Variants in XKR4 observed in about 807,000 individuals in gnomAD.
The protein encoded by XKR4 is XK related 4.
In XKR4, 12 loss-of-function variants were observed where a neutral mutation model predicts 53.9. The ratio of observed to expected loss-of-function variants is 0.22; its 90% CI spans 0.14 to 0.36. The LOEUF (loss-of-function observed/expected upper bound fraction) is 0.36, where lower values mean the gene tolerates loss of function less well. Among genes scored for constraint, XKR4 ranks in the 10% least tolerant of loss-of-function variants. The probability of loss-of-function intolerance (pLI) is 1.00; values close to 1 mark genes in which losing one functional copy is unlikely to be tolerated. For missense variants in XKR4, 799 were observed against 859.5 expected (o/e 0.93, Z 0.88); for synonymous variants, 354 against 362.4 (o/e 0.98, Z 0.26).
chr8:55,389,956 A>G (rs1804420157), intron 2 of XKR4, among the ~76,000 whole-genome samples: 1 of 152,080 alleles, frequency 6.6e-6, no homozygotes, highest in African/African-American at 2.4e-5. Flanking sequence ...CCCAGGGCTG[A>G]TTCTAGGTTC....
chr8:55,207,604 G>A (rs984937145), intron 1 of XKR4, among the ~76,000 whole-genome samples: 2 of 151,886 alleles, frequency 1.3e-5, no homozygotes, highest in Non-Finnish European at 2.9e-5. Context: ...AAATGTGAAT[G>A]TCACACCTTA....
intron 1 of XKR4, among the ~76,000 whole-genome samples, chr8:55,113,627 A>G (rs1415952109): frequency 6.6e-6 from 1 of 152,178 alleles, no homozygotes; most frequent in Non-Finnish European, 1.5e-5. Context: ...TTTTACATGG[A>G]TACATTGTAT....
intron 1 of XKR4, among the ~76,000 whole-genome samples, chr8:55,340,754 G>C (rs1349039012): frequency 6.6e-6 from 1 of 152,236 alleles, no homozygotes; most frequent in Non-Finnish European, 1.5e-5. Context: ...AGGAAGAGCA[G>C]TTAGGGAAAG....
chr8:55,138,697 A>T (rs1391721170), intron 1 of XKR4, among the ~76,000 whole-genome samples: 5 of 152,228 alleles, frequency 3.3e-5, no homozygotes, highest in African/African-American at 1.2e-4. Flanking sequence ...AATATTGTTG[A>T]GGGTCTACCA....
chr8:55,272,498 T>C (rs530079424), intron 1 of XKR4, among the ~76,000 whole-genome samples: 3 of 152,296 alleles, frequency 2.0e-5, no homozygotes, highest in South Asian at 4.1e-4. Context: ...AGTCTAAGCC[T>C]GCTCCTCAGG....
At chr8:55,434,022 A>G (rs1367510250) in intron 2 of XKR4, among the ~76,000 whole-genome samples, 1 of 152,214 alleles carries the variant, frequency 6.6e-6, no homozygotes, top group African/African-American at 2.4e-5. Context: ...CAACAGAGCA[A>G]GACCCTGTCT....
At chr8:55,201,760 T>C (rs1403820461) in intron 1 of XKR4, among the ~76,000 whole-genome samples, 1 of 152,238 alleles carries the variant, frequency 6.6e-6, no homozygotes, top group Non-Finnish European at 1.5e-5. Flanking sequence ...AATGTTCTGA[T>C]GGCCCTGGAT....
At chr8:55,155,075 C>T (rs1274162260) in intron 1 of XKR4, among the ~76,000 whole-genome samples, 1 of 152,180 alleles carries the variant, frequency 6.6e-6, no homozygotes, top group Non-Finnish European at 1.5e-5. Context: ...TTTCTGCAGA[C>T]CAGAAGTTGA....
At chr8:55,389,098 C>T (rs1031244442) in intron 2 of XKR4, among the ~76,000 whole-genome samples, 8 of 152,158 alleles carry the variant, frequency 5.3e-5, no homozygotes, top group African/African-American at 1.9e-4. Flanking sequence ...GAGAGAGACA[C>T]GTGAAGACTG....
rs150307657 is a variant in XKR4, at chr8:55,328,297, T to A, written c.807-29381T>A. Among the ~76,000 whole-genome samples the A allele has an allele frequency of 3.3e-4, 50 of 152,324 alleles. No individual in the cohort carries two copies. In the East Asian group the frequency reaches 9.4e-3, roughly 29 times the overall value. On this transcript the variant is annotated intron_variant, in intron 1 of 2. Transcript: ENST00000327381. Reference sequence around the variant, plus strand: ...GTTAAAGGCCCATACATAATATTACTGAAACAGTACATGGTGAATAAGGAA... The same window carrying A: ...GTTAAAGGCCCATACATAATATTACAGAAACAGTACATGGTGAATAAGGAA...
chr8:55,405,301 T>C (rs1804666301), intron 2 of XKR4, among the ~76,000 whole-genome samples: 1 of 152,230 alleles, frequency 6.6e-6, no homozygotes, highest in Admixed American at 6.5e-5. Flanking sequence ...CATGGAAATC[T>C]AATAGCAGCA....
chr8:55,179,343 C>T (rs1471346954), intron 1 of XKR4, among the ~76,000 whole-genome samples: 1 of 152,140 alleles, frequency 6.6e-6, no homozygotes, highest in Non-Finnish European at 1.5e-5. Flanking sequence ...CTGCTGTATG[C>T]CAGTGCCGAC....
intron 2 of XKR4, among the ~76,000 whole-genome samples, chr8:55,386,765 T>C (rs1804322457): frequency 6.6e-6 from 1 of 152,212 alleles, no homozygotes; most frequent in African/African-American, 2.4e-5. Context: ...GCACCTCGTT[T>C]TAAATTGACA....
At chr8:55,129,491 A>G (rs1231784805) in intron 1 of XKR4, among the ~76,000 whole-genome samples, 1 of 152,104 alleles carries the variant, frequency 6.6e-6, no homozygotes, top group African/African-American at 2.4e-5. Context: ...ATTTGTGTAG[A>G]TCTTAACTCC....
intron 1 of XKR4, among the ~76,000 whole-genome samples, chr8:55,183,587 G>A (rs1817341693): frequency 6.6e-6 from 1 of 151,984 alleles, no homozygotes; most frequent in African/African-American, 2.4e-5. Context: ...ATCCCATTAT[G>A]ACCTGAGAAC....
chr8:55,256,335 G>T (rs1018398396), intron 1 of XKR4, among the ~76,000 whole-genome samples: 1 of 152,178 alleles, frequency 6.6e-6, no homozygotes. Flanking sequence ...TGGCCAGATT[G>T]CATTTTGTAT....
rs764549450 is a variant in XKR4, at chr8:55,448,973, A to G, written c.1007-74308A>G. Among the ~76,000 whole-genome samples the G allele has an allele frequency of 5.4e-4, 83 of 152,298 alleles. No homozygotes were observed. The Middle Eastern group carries it at 0.017, about 31-fold the overall frequency. ...TTACATATCTAAAAGAGCATTTTGCATTGAACTCTTCCAGTAGCCCTAAAA... is the reference window on the plus strand; with the variant it reads ...TTACATATCTAAAAGAGCATTTTGCGTTGAACTCTTCCAGTAGCCCTAAAA... On this transcript the variant is annotated intron_variant, in intron 2 of 2. Transcript: ENST00000327381.
chr8:55,513,847 G>A (rs535540505), intron 2 of XKR4, among the ~76,000 whole-genome samples: 39 of 152,296 alleles, frequency 2.6e-4, no homozygotes, highest in Non-Finnish European at 4.9e-4. Flanking sequence ...TAAGGACTTC[G>A]AAGTCAGAAA....
intron 1 of XKR4, among the ~76,000 whole-genome samples, chr8:55,212,760 A>C (rs1050839409): frequency 1.3e-5 from 2 of 152,158 alleles, no homozygotes; most frequent in African/African-American, 4.8e-5. Flanking sequence ...GTTACAGCAA[A>C]ACTCTGCAAA....
Sources: gnomAD v4.1 joint callset for allele counts (sites outside exome capture counted in the v4.1 genomes callset) on GRCh38, gnomAD v4.1.1 for gene constraint, MANE v1.5 for transcripts, NCBI Gene and HGNC (gene_info 2026-07-23, HGNC 2026-07-21) for gene names.